Variants in ESR1 observed in about 807,000 individuals in gnomAD.
The protein encoded by ESR1 is estrogen receptor 1.
ESR1 carries 12 observed loss-of-function variants against 52.7 expected under a neutral mutation model. That is an observed-to-expected ratio of 0.23 (90% confidence interval 0.15 to 0.37). The LOEUF (loss-of-function observed/expected upper bound fraction) is 0.37. Ranked by LOEUF, ESR1 falls within the 10% of genes least tolerant of loss-of-function variation. The pLI is 1.00. For missense variants in ESR1, 584 were observed against 779.7 expected (o/e 0.75, Z 2.99); for synonymous variants, 305 against 316.8 (o/e 0.96, Z 0.39).
At chr6:151,998,002 C>T (rs190255469) in intron 4 of ESR1, among the ~76,000 whole-genome samples, 1 of 152,056 alleles carries the variant, frequency 6.6e-6, no homozygotes, top group Non-Finnish European at 1.5e-5. Flanking sequence ...TTCCTCTATA[C>T]GTTAGCTTTT....
intron 2 of ESR1, among the ~76,000 whole-genome samples, chr6:151,777,951 ACT>A (rs975113545): frequency 2.0e-5 from 3 of 152,134 alleles, no homozygotes; most frequent in Non-Finnish European, 4.4e-5. Flanking sequence ...CAAGAGCGAA[ACT>A]CTGTCTCAAA....
intron 4 of ESR1, among the ~76,000 whole-genome samples, chr6:152,009,364 C>T (rs761373122): frequency 6.6e-6 from 1 of 152,058 alleles, no homozygotes; most frequent in South Asian, 2.1e-4. Context: ...TGGAATCATG[C>T]ATCTTGTGCC....
At chr6:151,866,023 T>C (rs1406599288) in intron 2 of ESR1, among the ~76,000 whole-genome samples, 1 of 152,222 alleles carries the variant, frequency 6.6e-6, no homozygotes, top group Non-Finnish European at 1.5e-5. Context: ...CCAGGTGGTG[T>C]AGACCTTAAA....
At chr6:152,067,270 G>A (rs962937703) in intron 6 of ESR1, among the ~76,000 whole-genome samples, 2 of 152,208 alleles carry the variant, frequency 1.3e-5, no homozygotes, top group African/African-American at 2.4e-5. Flanking sequence ...CAAAATGCCT[G>A]TAGCCTGGGG....
intron 6 of ESR1, among the ~76,000 whole-genome samples, chr6:152,065,065 T>G (rs193048730): frequency 6.6e-6 from 1 of 152,018 alleles, no homozygotes; most frequent in Non-Finnish European, 1.5e-5. Context: ...TTAAACGGAG[T>G]AGGTTCATGC....
intron 1 of ESR1, among the ~76,000 whole-genome samples, chr6:151,672,127 C>T (rs1171231686): frequency 6.6e-6 from 1 of 151,828 alleles, no homozygotes; most frequent in African/African-American, 2.4e-5. Flanking sequence ...GCCACTGCAC[C>T]TGGACAACTT....
intron 3 of ESR1, among the ~76,000 whole-genome samples, chr6:151,917,233 G>A (rs1051462784): frequency 6.6e-6 from 1 of 152,182 alleles, no homozygotes; most frequent in African/African-American, 2.4e-5. Flanking sequence ...CAGTTCCTGA[G>A]TTGCAAAACT....
chr6:151,802,287 A>G (rs550705638), upstream of ESR1, among the ~76,000 whole-genome samples: 18 of 152,336 alleles, frequency 1.2e-4, no homozygotes, highest in Non-Finnish European at 2.2e-4. Flanking sequence ...ATTTTTCCAC[A>G]TTAGAGGAAA....
At chr6:152,042,184 T>A (rs1308207965) in intron 5 of ESR1, among the ~76,000 whole-genome samples, 1 of 152,146 alleles carries the variant, frequency 6.6e-6, no homozygotes, top group African/African-American at 2.4e-5. Flanking sequence ...TTTCCCACCA[T>A]AATAGCCCTC....
chr6:152,064,098 G>A (rs757135324), intron 6 of ESR1, among the ~76,000 whole-genome samples: 8 of 152,160 alleles, frequency 5.3e-5, no homozygotes, highest in African/African-American at 9.7e-5. Flanking sequence ...GCAAAAACCC[G>A]GAATCATCCA....
chr6:151,904,153 T>G (rs1184237368), intron 3 of ESR1, among the ~76,000 whole-genome samples: 2 of 152,214 alleles, frequency 1.3e-5, no homozygotes, highest in Non-Finnish European at 2.9e-5. Flanking sequence ...TTCTCACTTT[T>G]GTTTGTGCAT....
At chr6:151,730,660 C>G (rs1782170531) in intron 2 of ESR1, among the ~76,000 whole-genome samples, 1 of 152,154 alleles carries the variant, frequency 6.6e-6, no homozygotes, top group Non-Finnish European at 1.5e-5. Context: ...GGTGTTTGCT[C>G]TAGTCAAGGA....
At chr6:151,700,191 T>C (rs1779665147) in intron 1 of ESR1, among the ~76,000 whole-genome samples, 1 of 152,210 alleles carries the variant, frequency 6.6e-6, no homozygotes, top group Non-Finnish European at 1.5e-5. Context: ...AGAGATTGCA[T>C]TTCATTACTT....
At chr6:152,025,136 C>T (rs1164853977) in intron 5 of ESR1, among the ~76,000 whole-genome samples, 2 of 149,256 alleles carry the variant, frequency 1.3e-5, no homozygotes, top group East Asian at 3.9e-4. Context: ...AGGTTATTGT[C>T]ATTATTGCAT....
upstream of ESR1, among the ~76,000 whole-genome samples, chr6:151,802,166 C>T (rs1226634832): frequency 6.6e-6 from 1 of 152,052 alleles, no homozygotes; most frequent in Non-Finnish European, 1.5e-5. Context: ...CCTCAAGAAA[C>T]AAAAACTCAA....
In ESR1 at chr6:152,011,758, G is replaced by A. The variant is rs2128779121; in HGVS notation, c.1199G>A (p.Gly400Glu). 1 of 1,613,144 alleles carries A rather than the reference G, an allele frequency of 6.2e-7. No individual in the cohort carries two copies. The highest frequency in any genetic ancestry group is 8.5e-7 in the Non-Finnish European group (1 of 1,179,492). ...GTCTGGCGCTCCATGGAGCACCCAG[G>A]GAAGCTACTGTTTGCTCCTAACTTG... ...GLVWRSMEHP[G>E]KLLFAPNLLL... The change falls in exon 5 of 8, where the codon GGG becomes GAG. Residue 400 changes from glycine (G) to glutamate (E), a missense_variant. Physicochemically the swap from Gly to Glu is moderately conservative, Grantham distance 98. Around this residue, in one of 6 missense-constraint regions of ESR1, gnomAD observed 141 missense variants for 289.3 expected, o/e 0.49. Coordinates refer to ENST00000206249, the MANE Select transcript of ESR1 (RefSeq NM_000125.4).
At chr6:152,041,643 T>C (rs1232652335) in intron 5 of ESR1, among the ~76,000 whole-genome samples, 2 of 152,242 alleles carry the variant, frequency 1.3e-5, no homozygotes, top group Non-Finnish European at 2.9e-5. Flanking sequence ...TTCTTGCTCA[T>C]TGGATCCAAT....
intron 2 of ESR1, among the ~76,000 whole-genome samples, chr6:151,791,310 G>T (rs184567221): frequency 1.3e-5 from 2 of 152,140 alleles, no homozygotes; most frequent in Admixed American, 1.3e-4. Flanking sequence ...TGCTGTTCTC[G>T]TGGTAATGAA....
In ESR1 at chr6:151,703,130, G is replaced by A. The variant is rs556332070; in HGVS notation, c.-71+1125G>A. 6.7e-4 allele frequency among the ~76,000 whole-genome samples: 102 copies of A among 152,312 alleles called. 1 individual carries two copies. The highest frequency in any genetic ancestry group is 1.1e-3 in the Non-Finnish European group (73 of 68,032). ...AGACTGGCAAATATTACTCAGCGTG[G>A]TAATTTCCTAATTGTAGAACTGGCC... On this transcript the variant is annotated intron_variant, in intron 2 of 2. Transcript: ENST00000404742.
Sources: allele counts gnomAD v4.1 joint callset (sites outside exome capture counted in the v4.1 genomes callset), GRCh38; gene constraint gnomAD v4.1.1; regional missense constraint gnomAD v4.1.1; transcripts MANE v1.5; gene names NCBI Gene and HGNC (gene_info 2026-07-23, HGNC 2026-07-21).